The following SEMA6A variants were observed in gnomAD, a reference collection of about 807,000 sequenced individuals.
The protein encoded by SEMA6A is semaphorin-6A.
In SEMA6A, 25 loss-of-function variants were observed where a neutral mutation model predicts 96.8. That is an observed-to-expected ratio of 0.26 (90% CI 0.19 to 0.36). SEMA6A has a LOEUF of 0.36. Ranked by LOEUF, SEMA6A falls within the 10% of genes least tolerant of loss-of-function variation. The probability of loss-of-function intolerance (pLI) is 1.00; values close to 1 mark genes in which losing one functional copy is unlikely to be tolerated. For missense variants in SEMA6A, 1,363 were observed against 1,323.1 expected (o/e 1.03, Z -0.47); for synonymous variants, 612 against 518.0 (o/e 1.18, Z -2.46).
chr5:116,563,795 C>G (rs1169838277), intron 1 of SEMA6A, among the ~76,000 whole-genome samples: 1 of 152,232 alleles, frequency 6.6e-6, no homozygotes, highest in Non-Finnish European at 1.5e-5. Flanking sequence ...GTTTAAACAT[C>G]TAGCCTATGC....
Position 116,446,734 on chromosome 5 carries a change from G to A in SEMA6A, c.2972C>T (p.Ala991Val), listed in dbSNP as rs762147992. The A allele has an allele frequency of 2.5e-6, 4 of 1,603,492 alleles. No individual in the cohort carries two copies. Among genetic ancestry groups the A allele is most frequent in the Non-Finnish European group, 3.4e-6 (4 of 1,174,606 alleles). The change falls in exon 19 of 19, where the codon GCC becomes GTC. Residue 991 changes from alanine (A) to valine (V), a missense_variant. This residue lies in a region of SEMA6A where 883 missense variants were observed against 763.6 expected (regional missense o/e 1.16). Transcript: ENST00000343348. Reference protein sequence around the residue: ...VTVSRQPSLNAYNSLTRSGLK... With the variant: ...VTVSRQPSLNVYNSLTRSGLK... ...CCCCGACCTTGTCAGTGAGTTGTAG[G>A]CGTTGAGGCTGGGCTGCCTCGAGAC...
At chr5:116,501,748 G>A (rs909251012) in intron 3 of SEMA6A, among the ~76,000 whole-genome samples, 2 of 152,144 alleles carry the variant, frequency 1.3e-5, no homozygotes, top group African/African-American at 2.4e-5. Context: ...TTAGCCAGGC[G>A]TGGTGGTGCA....
At chr5:116,499,986 A>G (rs756786812) in intron 3 of SEMA6A, among the ~76,000 whole-genome samples, 1 of 152,172 alleles carries the variant, frequency 6.6e-6, no homozygotes, top group Non-Finnish European at 1.5e-5. Context: ...TTCACAAGAG[A>G]TTCTTAAGTC....
At chr5:116,570,278 GA>G (rs1761157121) in intron 1 of SEMA6A, among the ~76,000 whole-genome samples, 2 of 152,188 alleles carry the variant, frequency 1.3e-5, no homozygotes, top group African/African-American at 4.8e-5. Context: ...AAGCAGATGA[GA>G]AAAGCCTTCA....
At chr5:116,509,295 G>A (rs1261266664) in intron 1 of SEMA6A, among the ~76,000 whole-genome samples, 1 of 152,148 alleles carries the variant, frequency 6.6e-6, no homozygotes, top group African/African-American at 2.4e-5. Context: ...AAAAGGAAAT[G>A]ATAATAGTGG....
chr5:116,455,169 G>A (rs1043766411), intron 18 of SEMA6A, among the ~76,000 whole-genome samples: 9 of 152,142 alleles, frequency 5.9e-5, no homozygotes, highest in African/African-American at 2.2e-4. Context: ...TTCCCTGTGT[G>A]CTGGGAACGC....
At chr5:116,518,196 A>ACT (rs147108645) in intron 1 of SEMA6A, among the ~76,000 whole-genome samples, 23,582 of 151,984 alleles carry the variant, frequency 0.16, 2,300 homozygotes, top group African/African-American at 0.26. Flanking sequence ...AGGAAGACAG[A>ACT]CTCTCCTATT....
chr5:116,556,571 T>C (rs1200437674), intron 1 of SEMA6A, among the ~76,000 whole-genome samples: 1 of 152,214 alleles, frequency 6.6e-6, no homozygotes, highest in African/African-American at 2.4e-5. Context: ...ATGATGAATA[T>C]GAGGCACAGA....
At chr5:116,493,274 A>T (rs984511608) in intron 6 of SEMA6A, among the ~76,000 whole-genome samples, 3 of 152,234 alleles carry the variant, frequency 2.0e-5, no homozygotes, top group African/African-American at 7.2e-5. Flanking sequence ...ATTCCTTGGG[A>T]TTTGTTAGAA....
intron 1 of SEMA6A, chr5:116,536,540 T>C (rs1459898822): frequency 1.3e-5 from 2 of 151,866 alleles, no homozygotes; most frequent in African/African-American, 2.4e-5. Flanking sequence ...AAGAACAAAA[T>C]CCCCTAAGTG....
chr5:116,513,810 GTGC>G (rs750972063), intron 1 of SEMA6A, among the ~76,000 whole-genome samples: 4 of 151,970 alleles, frequency 2.6e-5, no homozygotes, highest in Non-Finnish European at 4.4e-5. Context: ...GCCTGAGTGT[GTGC>G]TGTTCTTCCC....
intron 18 of SEMA6A, among the ~76,000 whole-genome samples, chr5:116,456,935 A>G (rs1428832824): frequency 6.6e-6 from 1 of 152,226 alleles, no homozygotes; most frequent in East Asian, 1.9e-4. Flanking sequence ...ACGAGAGAAA[A>G]GAAACTCACG....
chr5:116,454,799 T>C (rs923027363), intron 18 of SEMA6A, among the ~76,000 whole-genome samples: 4 of 150,440 alleles, frequency 2.7e-5, no homozygotes, highest in African/African-American at 9.7e-5. Context: ...AGTGTGTGTG[T>C]GTGTGTGTGT....
intron 18 of SEMA6A, among the ~76,000 whole-genome samples, chr5:116,448,669 G>C (rs1754429694): frequency 6.8e-6 from 1 of 147,036 alleles, no homozygotes; most frequent in African/African-American, 2.5e-5. Context: ...AGAGGAAAGA[G>C]AGTGTGTGTC....
At chr5:116,502,623 T>G (rs1757941323) in intron 2 of SEMA6A, 1 of 297,722 alleles carries the variant, frequency 3.4e-6, no homozygotes, top group Admixed American at 4.8e-5. Context: ...TAGTGAACCC[T>G]TTGCATGAAG....
rs762699575 is a variant in SEMA6A at position 116,502,326 on chromosome 5, A to G, written c.102T>C (p.Tyr34=). 3.7e-6 allele frequency: 6 copies of G among 1,613,672 alleles called. No individual in the cohort carries two copies. The highest frequency in any genetic ancestry group is 5.1e-6 in the Non-Finnish European group (6 of 1,179,606). The change falls in exon 3 of 19, where the codon TAT becomes TAC. Residue 34 remains tyrosine, a splice_region_variant and synonymous_variant. Coordinates refer to ENST00000343348, the MANE Select transcript of SEMA6A (RefSeq NM_020796.5). ...CCACAAACACCGGATACTGTTTTGT[A>G]TCTGTGAAAAGAGGAGATGGGGCAA... ...SEPISISHGN[Y]TKQYPVFVGH...
intron 1 of SEMA6A, among the ~76,000 whole-genome samples, chr5:116,525,671 A>C (rs1759190044): frequency 6.6e-6 from 1 of 152,148 alleles, no homozygotes; most frequent in Admixed American, 6.6e-5. Flanking sequence ...AATTTTGTGG[A>C]AACTTAAATT....
chr5:116,531,912 C>G (rs1258449155), intron 1 of SEMA6A, among the ~76,000 whole-genome samples: 3 of 152,128 alleles, frequency 2.0e-5, no homozygotes, highest in Admixed American at 6.6e-5. Context: ...GGCTCATACC[C>G]CTGCTCTCTT....
chr5:116,491,477 C>G (rs1757321250), intron 7 of SEMA6A, among the ~76,000 whole-genome samples: 1 of 151,808 alleles, frequency 6.6e-6, no homozygotes, highest in African/African-American at 2.4e-5. Context: ...TATTTGAGCC[C>G]AAACATTCCC....
Sources: gnomAD v4.1 joint callset for allele counts (sites outside exome capture counted in the v4.1 genomes callset) on GRCh38, gnomAD v4.1.1 for gene constraint, gnomAD v4.1.1 regional missense constraint, MANE v1.5 for transcripts, NCBI Gene and HGNC (gene_info 2026-07-23, HGNC 2026-07-21) for gene names.